Variants in NKAIN3 observed in about 807,000 individuals in gnomAD.
NKAIN3 encodes sodium/potassium-transporting ATPase subunit beta-1-interacting protein 3.
In NKAIN3, 25 loss-of-function variants were observed where a neutral mutation model predicts 30.2. The ratio of observed to expected loss-of-function variants is 0.83; its 90% CI spans 0.60 to 1.16. The LOEUF is 1.16. Among genes scored for constraint, NKAIN3 ranks in the 50% most tolerant of loss-of-function variants. The probability of loss-of-function intolerance (pLI) is 0.00; values close to 1 mark genes in which losing one functional copy is unlikely to be tolerated. For missense variants in NKAIN3, 225 were observed against 254.1 expected, an observed-to-expected ratio of 0.89 and a Z score of 0.78; for synonymous variants, 91 against 89.6, an observed-to-expected ratio of 1.02 and a Z score of -0.09.
At chr8:62,772,252 T>C (rs566721018) in intron 4 of NKAIN3, among the ~76,000 whole-genome samples, 43 of 152,366 alleles carry the variant, frequency 2.8e-4, no homozygotes, top group Middle Eastern at 6.8e-3. Context: ...TCACTTTTTA[T>C]AGCTGAATAG....
intron 1 of NKAIN3, among the ~76,000 whole-genome samples, chr8:62,358,276 A>C (rs1053331883): frequency 1.3e-5 from 2 of 149,248 alleles, no homozygotes; most frequent in Non-Finnish European, 3.0e-5. Flanking sequence ...AAAAGATCCA[A>C]AGTTAGTAGT....
At chr8:62,268,961 C>A (rs1212198481) in intron 1 of NKAIN3, among the ~76,000 whole-genome samples, 1 of 152,176 alleles carries the variant, frequency 6.6e-6, no homozygotes, top group African/African-American at 2.4e-5. Context: ...TATTGCATTT[C>A]TGGTACGTGG....
At chr8:62,357,162 C>T (rs962627546) in intron 1 of NKAIN3, among the ~76,000 whole-genome samples, 1 of 151,732 alleles carries the variant, frequency 6.6e-6, no homozygotes, top group African/African-American at 2.4e-5. Flanking sequence ...CAGTGGCTCA[C>T]ACCTATAATC....
chr8:62,368,171 A>G (rs1043913134), intron 1 of NKAIN3, among the ~76,000 whole-genome samples: 1 of 152,122 alleles, frequency 6.6e-6, no homozygotes, highest in Non-Finnish European at 1.5e-5. Context: ...AATTCACTAC[A>G]ATTGCTGTCA....
intron 1 of NKAIN3, among the ~76,000 whole-genome samples, chr8:62,382,142 T>C (rs1379738187): frequency 6.6e-6 from 1 of 152,166 alleles, no homozygotes; most frequent in Non-Finnish European, 1.5e-5. Flanking sequence ...TACTGTTGAC[T>C]GGAAGGCTTA....
chr8:62,446,804 G>A (rs1805499807), intron 1 of NKAIN3, among the ~76,000 whole-genome samples: 1 of 151,950 alleles, frequency 6.6e-6, no homozygotes, highest in Non-Finnish European at 1.5e-5. Flanking sequence ...CATTTTCAGG[G>A]TTAAGTCATA....
At chr8:62,474,605 C>T (rs140254550) in intron 1 of NKAIN3, among the ~76,000 whole-genome samples, 1 of 152,224 alleles carries the variant, frequency 6.6e-6, no homozygotes, top group African/African-American at 2.4e-5. Flanking sequence ...TAGAACAAAA[C>T]CTTTTAAGTG....
rs561787219 is a variant in NKAIN3 at position 62,480,815 on chromosome 8, T to A, written c.55-98724T>A. 1.1e-3 allele frequency among the ~76,000 whole-genome samples: 168 copies of A among 152,166 alleles called. 1 individual carries two copies. Among genetic ancestry groups the A allele is most frequent in the African/African-American group, 3.9e-3 (161 of 41,534 alleles). On this transcript the variant is annotated intron_variant, in intron 1 of 6. Coordinates refer to ENST00000623646, the MANE Select transcript of NKAIN3 (RefSeq NM_001304533.3). Reference sequence around the variant, plus strand: ...TGAGCAGTAGGTCCCACGTGGGACCTGGGGATGGGGCATGCATTTTCTCAG... The same window carrying A: ...TGAGCAGTAGGTCCCACGTGGGACCAGGGGATGGGGCATGCATTTTCTCAG...
In NKAIN3 at chr8:62,389,456, G is replaced by T. The variant is rs574000038; in HGVS notation, c.54+140329G>T. ...AAGTAGGAAATGAAAAGAGAGAAAG[G>T]TGTCTGTGTCTGGCCATCTCAGGGC... On this transcript the variant is annotated intron_variant, in intron 1 of 6. Coordinates refer to ENST00000623646, the MANE Select transcript of NKAIN3 (RefSeq NM_001304533.3). 2.0e-5 allele frequency among the ~76,000 whole-genome samples: 3 copies of T among 152,228 alleles called. No homozygotes were observed. In the East Asian group the frequency reaches 5.8e-4, roughly 29 times the overall value.
At chr8:62,273,429 C>T (rs565954327) in intron 1 of NKAIN3, among the ~76,000 whole-genome samples, 3 of 152,252 alleles carry the variant, frequency 2.0e-5, no homozygotes, top group African/African-American at 2.4e-5. Context: ...CTTAAAAAGG[C>T]CCTATACCAT....
chr8:62,954,643 T>C (rs1469064356), intron 6 of NKAIN3, among the ~76,000 whole-genome samples: 1 of 152,102 alleles, frequency 6.6e-6, no homozygotes, highest in Non-Finnish European at 1.5e-5. Flanking sequence ...AACATGGAAA[T>C]AGATAGGGTG....
At chr8:62,493,337 T>G (rs1050210495) in intron 1 of NKAIN3, among the ~76,000 whole-genome samples, 1 of 152,042 alleles carries the variant, frequency 6.6e-6, no homozygotes, top group Non-Finnish European at 1.5e-5. Flanking sequence ...TGGTTCTAGG[T>G]GTTTGGCCTT....
At chr8:62,812,793 G>T (rs1310096918) in intron 4 of NKAIN3, among the ~76,000 whole-genome samples, 1 of 151,804 alleles carries the variant, frequency 6.6e-6, no homozygotes, top group African/African-American at 2.4e-5. Flanking sequence ...TGAATGATAA[G>T]ATGATGTCAC....
intron 4 of NKAIN3, among the ~76,000 whole-genome samples, chr8:62,749,465 T>C (rs1230587208): frequency 6.6e-6 from 1 of 152,200 alleles, no homozygotes; most frequent in Non-Finnish European, 1.5e-5. Flanking sequence ...AATAAAAGAT[T>C]AGTTGCTGCT....
chr8:62,729,024 C>CAAA (rs71501600), intron 3 of NKAIN3, among the ~76,000 whole-genome samples: 1 of 16,448 alleles, frequency 6.1e-5, no homozygotes, highest in Non-Finnish European at 1.2e-4. Context: ...ACAAACAAAC[C>CAAA]AAAAAAAAAA....
intron 1 of NKAIN3, among the ~76,000 whole-genome samples, chr8:62,313,365 T>C (rs963115666): frequency 4.0e-5 from 6 of 151,372 alleles, no homozygotes; most frequent in African/African-American, 7.4e-5. Context: ...GAAATACTAA[T>C]ATATTCATTC....
intron 1 of NKAIN3, among the ~76,000 whole-genome samples, chr8:62,305,973 G>T (rs1814224452): frequency 6.6e-6 from 1 of 150,430 alleles, no homozygotes; most frequent in African/African-American, 2.5e-5. Flanking sequence ...CATAGTGTAG[G>T]CATGGGGATG....
chr8:62,579,678 T>C lies in NKAIN3; in HGVS notation c.192+2T>C. On this transcript the variant is annotated splice_donor_variant, in intron 2 of 6. Transcript: ENST00000623646. LOFTEE classifies it high-confidence loss of function. ...TACAGACCTCGATACATAATGGTGG[T>C]AAGTCTTATTTTTATCATTTTGCTT... The C allele has an allele frequency of 6.9e-7, 1 of 1,456,088 alleles. No homozygotes were observed. Among genetic ancestry groups the C allele is most frequent in the Non-Finnish European group, 9.1e-7 (1 of 1,097,616 alleles). 90.2% of individuals were successfully genotyped at this position (1,456,088 alleles called of 1,614,324 possible).
intron 1 of NKAIN3, among the ~76,000 whole-genome samples, chr8:62,417,521 A>G (rs1164779343): frequency 2.0e-5 from 3 of 152,120 alleles, no homozygotes; most frequent in Non-Finnish European, 4.4e-5. Context: ...CGGTAGCTCT[A>G]TTTTTAGTTT....
Sources: gnomAD v4.1 joint callset for allele counts (sites outside exome capture counted in the v4.1 genomes callset) on GRCh38, gnomAD v4.1.1 for gene constraint, MANE v1.5 for transcripts, NCBI Gene and HGNC (gene_info 2026-07-23, HGNC 2026-07-21) for gene names.